Variants in LGALS2 observed in about 807,000 individuals in gnomAD.
LGALS2 encodes galectin-2.
A neutral mutation model predicts 10.1 loss-of-function variants in LGALS2; 7 were observed. The ratio of observed to expected loss-of-function variants is 0.70; its 90% CI spans 0.40 to 1.31. LGALS2 has a LOEUF of 1.31. Among genes scored for constraint, LGALS2 ranks in the 50% most tolerant of loss-of-function variants. The pLI, the probability that LGALS2 is intolerant of heterozygous loss-of-function variation, is 0.01. For synonymous variants in LGALS2, 86 were observed against 64.2 expected, an observed-to-expected ratio of 1.34 and a Z score of -1.63; for missense variants, 167 against 163.6, an observed-to-expected ratio of 1.02 and a Z score of -0.11.
intron 1 of LGALS2, among the ~76,000 whole-genome samples, chr22:37,573,391 T>C (rs954444389): frequency 6.6e-6 from 1 of 152,224 alleles, no homozygotes; most frequent in Non-Finnish European, 1.5e-5. Flanking sequence ...CTAATTTGAT[T>C]TATTCATTTA....
chr22:37,570,836 C>T lies in LGALS2; in HGVS notation c.90-101G>A, dbSNP rs573258383. On this transcript the variant is annotated intron_variant, in intron 2 of 3. Transcript: ENST00000215886. ...TGACCACAAGCTGGAAGAATCAAAG[C>T]TTGTGTTAGTTGAGATCTGTGCCTT... is the stretch of plus-strand genomic sequence containing the variant. The T allele has an allele frequency of 2.1e-5, 28 of 1,345,668 alleles. No homozygotes were observed. The African/African-American group carries it at 3.0e-4, about 15-fold the overall frequency. 83.4% of individuals were successfully genotyped at this position (1,345,668 alleles called of 1,614,324 possible). A position where few individuals can be genotyped will look rare whatever the true frequency, so the allele number is the denominator to read the frequency against.
intron 1 of LGALS2, among the ~76,000 whole-genome samples, chr22:37,572,324 A>T (rs1925523081): frequency 6.6e-6 from 1 of 152,186 alleles, no homozygotes; most frequent in Non-Finnish European, 1.5e-5. Context: ...GAGGCACAAG[A>T]TCTTGGCCCA....
At chr22:37,572,990 A>G (rs1925550438) in intron 1 of LGALS2, among the ~76,000 whole-genome samples, 1 of 149,332 alleles carries the variant, frequency 6.7e-6, no homozygotes, top group East Asian at 2.0e-4. Context: ...ACAAAAAAAA[A>G]AGGCCGGGCA....
At chr22:37,571,985 A>G in intron 1 of LGALS2, 54 bp from the exon 2 acceptor site, 6 of 1,455,910 alleles carry the variant, frequency 4.1e-6, no homozygotes, top group Non-Finnish European at 5.8e-6. Flanking sequence ...TCAATCCCAC[A>G]CTTGCCCAGC....
chr22:37,571,697 G>A (rs1925501912), intron 2 of LGALS2, 152 bp downstream of exon 2: 2 of 633,356 alleles, frequency 3.2e-6, no homozygotes. Flanking sequence ...ATGAAGTGGG[G>A]GCCAGCAGGG....
intron 1 of LGALS2, among the ~76,000 whole-genome samples, chr22:37,576,320 C>A (rs5750453): frequency 6.6e-6 from 1 of 150,956 alleles, no homozygotes; most frequent in Non-Finnish European, 1.5e-5. Context: ...GGCGTGGTGG[C>A]AGGCGCCTGT....
Position 37,579,968 on chromosome 22 carries a change from C to CA in LGALS2, c.-64_-63insT. 6.3e-7 allele frequency: 1 copy of CA among 1,586,172 alleles called. No individual in the cohort carries two copies. Among genetic ancestry groups the CA allele is most frequent in the South Asian group, 1.1e-5 (1 of 89,152 alleles). On this transcript the variant is annotated 5_prime_UTR_variant, in exon 1 of 4. An upstream open reading frame in the 5' UTR gains an earlier in-frame stop. Coordinates refer to ENST00000215886, the MANE Select transcript of LGALS2 (RefSeq NM_006498.3). ...GAGGCCTGTGCTCAGGGTCTCAACT[C>CA]GTGGTCAAGCTTATATCCTAGAATA...
At chr22:37,574,876 CTT>C (rs1344887301) in intron 1 of LGALS2, among the ~76,000 whole-genome samples, 48 of 137,162 alleles carry the variant, frequency 3.5e-4, no homozygotes, top group African/African-American at 7.0e-4. Flanking sequence ...GCAGTAAGTT[CTT>C]TTTTTTTTTT....
chr22:37,571,355 T>C (rs559408808), intron 2 of LGALS2, among the ~76,000 whole-genome samples: 5 of 152,372 alleles, frequency 3.3e-5, no homozygotes, highest in Non-Finnish European at 7.3e-5. Context: ...TGACATGTTC[T>C]GCAGGCGAGA....
rs1421182763 is a variant in LGALS2 at position 37,580,034 on chromosome 22, C to T, written c.-129G>A. On this transcript the variant is annotated 5_prime_UTR_variant, in exon 1 of 4. Transcript: ENST00000215886. ...CTCAAGGTCCTAGGTGAGGACTTTG[C>T]CCCTTCTACCTTGTGTCTCCCCGCC... 5.8e-6 allele frequency: 5 copies of T among 868,404 alleles called. No individual in the cohort carries two copies. Among genetic ancestry groups the T allele is most frequent in the Non-Finnish European group, 8.8e-6 (5 of 567,092 alleles). The allele number at this position is 868,404 out of a possible 1,614,324, so 53.8% of individuals were successfully genotyped here.
At chr22:37,572,809 A>AAT (rs1925544068) in intron 1 of LGALS2, among the ~76,000 whole-genome samples, 1 of 139,848 alleles carries the variant, frequency 7.2e-6, no homozygotes, top group Non-Finnish European at 1.5e-5. Flanking sequence ...TAAATAAAAT[A>AAT]AAATAAAATA....
intron 1 of LGALS2, 46 bp downstream of exon 1, chr22:37,579,854 A>G (rs1294908000): frequency 3.1e-6 from 5 of 1,595,974 alleles, no homozygotes; most frequent in Non-Finnish European, 4.3e-6. Context: ...AGGCAAAGAC[A>G]AAGATGAACA....
intron 2 of LGALS2, 61 bp from the exon 3 acceptor site, chr22:37,570,796 T>C: frequency 6.3e-7 from 1 of 1,584,352 alleles, no homozygotes; most frequent in East Asian, 2.2e-5. Context: ...GCAGCTTGGG[T>C]TGGAGGACCT....
chr22:37,575,869 C>G (rs771109469), intron 1 of LGALS2, among the ~76,000 whole-genome samples: 1 of 152,204 alleles, frequency 6.6e-6, no homozygotes, highest in Non-Finnish European at 1.5e-5. Flanking sequence ...GCTTCTCAGC[C>G]TTGGCCGTCT....
chr22:37,574,176 C>A (rs930248327), intron 1 of LGALS2, among the ~76,000 whole-genome samples: 10 of 152,108 alleles, frequency 6.6e-5, no homozygotes, highest in African/African-American at 9.7e-5. Flanking sequence ...CCTCCTCTAG[C>A]CTCACGATGG....
At chr22:37,573,434 G>A (rs1925562864) in intron 1 of LGALS2, among the ~76,000 whole-genome samples, 1 of 152,178 alleles carries the variant, frequency 6.6e-6, no homozygotes, top group South Asian at 2.1e-4. Flanking sequence ...GTGGAAGTGT[G>A]TACCTGTATT....
Position 37,570,302 on chromosome 22 carries a change from C to G in LGALS2, c.360G>C (p.Arg120Ser). 9.3e-6 allele frequency: 15 copies of G among 1,613,168 alleles called. No individual in the cohort carries two copies. The highest frequency in any genetic ancestry group is 1.3e-5 in the Non-Finnish European group (15 of 1,179,208). Residue 120 changes from arginine to serine, a missense_variant, in exon 4 of 4, where the codon AGG (arginine) becomes AGC (serine). Physicochemically the swap from Arg to Ser is moderately radical, Grantham distance 110 (BLOSUM62 -1). Transcript: ENST00000215886. ...GHSHLSYLSVRGGFNMSSFKL... is the reference protein window; with the variant it reads ...GHSHLSYLSVSGGFNMSSFKL... ...TGAAAGAGGACATGTTGAACCCGCCCCTTACGCTCAGGTAGCTCAGGTGGC... is the reference window on the plus strand; with the variant it reads ...TGAAAGAGGACATGTTGAACCCGCCGCTTACGCTCAGGTAGCTCAGGTGGC...
intron 1 of LGALS2, among the ~76,000 whole-genome samples, chr22:37,577,381 A>C: frequency 2.2e-5 from 3 of 139,006 alleles, no homozygotes; most frequent in Non-Finnish European, 4.6e-5. Context: ...ATGAAGTCTC[A>C]CTCTGTCACC....
intron 1 of LGALS2, among the ~76,000 whole-genome samples, chr22:37,579,675 C>A (rs1925791155): frequency 6.6e-6 from 1 of 152,118 alleles, no homozygotes; most frequent in Admixed American, 6.6e-5. Context: ...CTCAGATGAT[C>A]CACCAGCCTC....
Sources: allele counts gnomAD v4.1 joint callset (sites outside exome capture counted in the v4.1 genomes callset), GRCh38; gene constraint gnomAD v4.1.1; transcripts MANE v1.5; gene names NCBI Gene and HGNC (gene_info 2026-07-23, HGNC 2026-07-21).